Variants in ELF2 observed in about 807,000 individuals in gnomAD.
ELF2 encodes the protein E74 like ETS transcription factor 2, also known as ETS-related transcription factor Elf-2.
ELF2 carries 11 observed loss-of-function variants against 54.8 expected under a neutral mutation model. The observed-to-expected ratio is 0.20, with a 90% CI of 0.13 to 0.33. The LOEUF is 0.33. ELF2 is among the 10% of genes least tolerant of loss of function. The pLI is 1.00. For missense variants in ELF2, 513 were observed against 703.0 expected (o/e 0.73, Z 3.06); for synonymous variants, 203 against 245.1 (o/e 0.83, Z 1.61).
At chr4:139,105,700 C>A (rs1267673780) in intron 4 of ELF2, among the ~76,000 whole-genome samples, 1 of 152,250 alleles carries the variant, frequency 6.6e-6, no homozygotes, top group South Asian at 2.1e-4. Context: ...CCCTGGGCAA[C>A]ATACAGAGAT....
chr4:139,138,857 G>A (rs72931823), intron 2 of ELF2, among the ~76,000 whole-genome samples: 4,082 of 152,084 alleles, frequency 0.027, 97 homozygotes, highest in African/African-American at 0.064. Context: ...CAATTGTTTT[G>A]ATATTAGTTC....
intron 1 of ELF2, among the ~76,000 whole-genome samples, chr4:139,172,530 T>C (rs1742413826): frequency 6.6e-6 from 1 of 152,114 alleles, no homozygotes; most frequent in African/African-American, 2.4e-5. Flanking sequence ...GTAACCCTTA[T>C]TTTACTTAAC....
intron 4 of ELF2, among the ~76,000 whole-genome samples, chr4:139,077,118 G>A (rs1730417658): frequency 6.6e-6 from 1 of 152,094 alleles, no homozygotes; most frequent in Admixed American, 6.6e-5. Context: ...GCCTCATGAA[G>A]CTTATACTAC....
In ELF2 at chr4:139,147,699, C is replaced by T. The variant is rs539967103; in HGVS notation, c.-251-8202G>A. Among the ~76,000 whole-genome samples the T allele has an allele frequency of 4.0e-5, 6 of 151,766 alleles. No homozygotes were observed. In the South Asian group the frequency reaches 1.2e-3, roughly 32 times the overall value. ...CCATCTTGACCAGGCTGGTCTTGAA[C>T]TCCTGACCTCATGAGTTACCTGCCT... On this transcript the variant is annotated intron_variant, in intron 1 of 9. Coordinates refer to ENST00000686138, the MANE Select transcript of ELF2 (RefSeq NM_001331036.3).
chr4:139,140,969 A>G (rs1738642727), intron 1 of ELF2, among the ~76,000 whole-genome samples: 1 of 152,138 alleles, frequency 6.6e-6, no homozygotes, highest in Non-Finnish European at 1.5e-5. Context: ...TTCTGCTTGT[A>G]GAATCCAATG....
intron 1 of ELF2, among the ~76,000 whole-genome samples, chr4:139,144,769 T>C (rs932995710): frequency 9.9e-5 from 15 of 152,236 alleles, no homozygotes; most frequent in Admixed American, 9.2e-4. Context: ...CAGCTAAGCT[T>C]TTTCCTGGAA....
At chr4:139,150,941 C>A (rs567083540) in intron 1 of ELF2, among the ~76,000 whole-genome samples, 1 of 146,382 alleles carries the variant, frequency 6.8e-6, no homozygotes, top group East Asian at 2.0e-4. Context: ...AGGAGAATGG[C>A]GTGAACCCGG....
intron 4 of ELF2, among the ~76,000 whole-genome samples, chr4:139,121,323 T>C (rs1264077865): frequency 6.6e-6 from 1 of 151,378 alleles, no homozygotes; most frequent in East Asian, 1.9e-4. Context: ...TTAGCCAGGA[T>C]GGTCTCGATC....
Position 139,071,918 on chromosome 4 carries a change from G to A in ELF2, c.474C>T (p.Thr158=). The part of the protein sequence containing the change: ...VSTEESEPMD[T]SPIPTSPDSH... ...TATCTGGTGATGTTGGAATAGGAGA[G>A]GTATCCATGGGTTCAGACTCTTCAG... Residue 158 remains threonine (T), a synonymous_variant, in exon 6 of 10, where the codon ACC becomes ACT. Transcript: ENST00000686138. 2 of 1,612,422 alleles carry A rather than the reference G, an allele frequency of 1.2e-6. No homozygotes were observed. Among genetic ancestry groups the A allele is most frequent in the Non-Finnish European group, 1.7e-6 (2 of 1,179,680 alleles).
chr4:139,165,652 C>A (rs1741642861), intron 1 of ELF2, among the ~76,000 whole-genome samples: 1 of 152,020 alleles, frequency 6.6e-6, no homozygotes, highest in Non-Finnish European at 1.5e-5. Context: ...AACAGAGCAA[C>A]ACTCCGTCTT....
rs1012649182 is a variant in ELF2, at chr4:139,172,151, A to C, written c.-252+4816T>G. On this transcript the variant is annotated intron_variant, in intron 1 of 9. Coordinates refer to ENST00000686138, the MANE Select transcript of ELF2 (RefSeq NM_001331036.3). The stretch of plus-strand genomic sequence containing the variant: ...GAGAAACAAAACCATATGTCCACAT[A>C]AAGACTTGTACTCAAATGTTTGAGT... Among the ~76,000 whole-genome samples the C allele has an allele frequency of 1.6e-4, 24 of 152,206 alleles. 1 individual carries two copies. Among genetic ancestry groups the C allele is most frequent in the Admixed American group, 1.5e-3 (23 of 15,282 alleles).
At position 139,091,037 on chromosome 4, in the gene ELF2, C is replaced by T. The variant is rs191907074; in HGVS notation, c.239-17470G>A. ...CAAGCTCCACCTTCCGGGTTCACGCCATTCTCCTGCCTCAGCCTCCCAAGT... is the reference window on the plus strand; with the variant it reads ...CAAGCTCCACCTTCCGGGTTCACGCTATTCTCCTGCCTCAGCCTCCCAAGT... On this transcript the variant is annotated intron_variant, in intron 4 of 9. Transcript: ENST00000686138. Among the ~76,000 whole-genome samples, 651 of 152,176 alleles carry T rather than the reference C, an allele frequency of 4.3e-3. 6 individuals are homozygous for T. Among genetic ancestry groups the T allele is most frequent in the African/African-American group, 0.015 (612 of 41,510 alleles).
chr4:139,081,300 G>A (rs919611243), intron 4 of ELF2, among the ~76,000 whole-genome samples: 5 of 152,106 alleles, frequency 3.3e-5, no homozygotes, highest in African/African-American at 1.2e-4. Context: ...TATAGCTAAA[G>A]GAATGCACAT....
chr4:139,072,674 T>C (rs1729682721), intron 5 of ELF2, among the ~76,000 whole-genome samples: 1 of 152,224 alleles, frequency 6.6e-6, no homozygotes, highest in African/African-American at 2.4e-5. Flanking sequence ...AATGTTGCTC[T>C]GGCTTCCTTC....
At chr4:139,164,521 C>T (rs1741531622) in intron 1 of ELF2, among the ~76,000 whole-genome samples, 1 of 152,126 alleles carries the variant, frequency 6.6e-6, no homozygotes, top group Admixed American at 6.6e-5. Flanking sequence ...CCTGTAGTCC[C>T]AGCTACTCTG....
At chr4:139,104,039 G>A (rs1490546174) in intron 4 of ELF2, among the ~76,000 whole-genome samples, 1 of 152,244 alleles carries the variant, frequency 6.6e-6, no homozygotes, top group South Asian at 2.1e-4. Context: ...TATTTACAAA[G>A]TGAAAAGAAA....
chr4:139,132,873 T>TATATATATAA (rs1235602219), intron 3 of ELF2, among the ~76,000 whole-genome samples: 1 of 87,994 alleles, frequency 1.1e-5, no homozygotes, highest in African/African-American at 3.5e-5. Flanking sequence ...TATATATATA[T>TATATATATAA]AAAATATGTA....
chr4:139,088,178 T>C (rs1347678144), intron 4 of ELF2, among the ~76,000 whole-genome samples: 2 of 151,268 alleles, frequency 1.3e-5, no homozygotes, highest in Non-Finnish European at 2.9e-5. Context: ...TCCCAGCTAC[T>C]TGGGAGACTG....
intron 4 of ELF2, among the ~76,000 whole-genome samples, chr4:139,114,561 T>TCACACACACACA (rs776035411): frequency 0.028 from 3,025 of 108,576 alleles, 102 homozygotes; most frequent in African/African-American, 0.073. Flanking sequence ...GACTTCAGTC[T>TCACACACACACA]CACACACACA....
Sources: allele counts gnomAD v4.1 joint callset (sites outside exome capture counted in the v4.1 genomes callset), GRCh38; gene constraint gnomAD v4.1.1; transcripts MANE v1.5; gene names NCBI Gene and HGNC (gene_info 2026-07-23, HGNC 2026-07-21).